Variants in TENM2 observed in about 807,000 individuals in gnomAD.
TENM2 encodes teneurin-2.
In TENM2, 52 loss-of-function variants were observed where a neutral mutation model predicts 245.2. The observed-to-expected ratio is 0.21, with a 90% CI of 0.17 to 0.27. The LOEUF (loss-of-function observed/expected upper bound fraction) is 0.27, where lower values mean the gene tolerates loss of function less well. Among genes scored for constraint, TENM2 ranks in the 10% least tolerant of loss-of-function variants. The pLI is 1.00. For missense variants in TENM2, 3,046 were observed against 3,666.8 expected (o/e 0.83, Z 4.37); for synonymous variants, 1,363 against 1,438.9 (o/e 0.95, Z 1.19).
chr5:167,530,174 A>G (rs1411291250), intron 2 of TENM2, among the ~76,000 whole-genome samples: 2 of 152,150 alleles, frequency 1.3e-5, no homozygotes, highest in Non-Finnish European at 2.9e-5. Flanking sequence ...CAGGATATTC[A>G]TTTTTCTATT....
chr5:167,344,321 T>TAG (rs1336260393), intron 1 of TENM2, among the ~76,000 whole-genome samples: 1 of 142,958 alleles, frequency 7.0e-6, no homozygotes, highest in African/African-American at 2.6e-5. Context: ...TATATATATA[T>TAG]ATATATATAG....
At chr5:167,648,774 C>T (rs1386630342) in intron 2 of TENM2, among the ~76,000 whole-genome samples, 6 of 152,188 alleles carry the variant, frequency 3.9e-5, no homozygotes, top group African/African-American at 7.2e-5. Context: ...TGTTGGGAAT[C>T]AGTTAATTAC....
chr5:167,167,585 A>G, the TENM2 span, among the ~76,000 whole-genome samples: 120 of 152,202 alleles, frequency 7.9e-4, no homozygotes, highest in African/African-American at 2.8e-3. Context: ...AAAAATTCCT[A>G]TCTCTGGGAG....
chr5:167,220,469 C>A, the TENM2 span, among the ~76,000 whole-genome samples: 1 of 152,102 alleles, frequency 6.6e-6, no homozygotes, highest in Non-Finnish European at 1.5e-5. Flanking sequence ...AAGGACATAG[C>A]TCATTTTATT....
At chr5:168,203,917 A>G (rs1762138727) in intron 18 of TENM2, 85 bp downstream of exon 20, 1 of 1,230,724 alleles carries the variant, frequency 8.1e-7, no homozygotes, top group African/African-American at 1.5e-5. Flanking sequence ...AAGTGATCAC[A>G]CCTCCCCTTC....
At chr5:167,428,556 T>C (rs1413243215) in intron 2 of TENM2, among the ~76,000 whole-genome samples, 1 of 152,240 alleles carries the variant, frequency 6.6e-6, no homozygotes, top group Non-Finnish European at 1.5e-5. Flanking sequence ...AGTTTTGAAA[T>C]TGAGAAAAAA....
At chr5:168,032,824 G>A (rs1448794198) in intron 5 of TENM2, among the ~76,000 whole-genome samples, 1 of 152,120 alleles carries the variant, frequency 6.6e-6, no homozygotes, top group Non-Finnish European at 1.5e-5. Flanking sequence ...AAATAATGGT[G>A]GATCTTTAGA....
chr5:167,719,381 G>T (rs1441030790), intron 2 of TENM2, among the ~76,000 whole-genome samples: 1 of 152,210 alleles, frequency 6.6e-6, no homozygotes, highest in Non-Finnish European at 1.5e-5. Flanking sequence ...CAAGAATTGA[G>T]ATTTTAGGAC....
intron 2 of TENM2, among the ~76,000 whole-genome samples, chr5:167,589,473 C>A (rs1211098803): frequency 1.3e-5 from 2 of 151,780 alleles, no homozygotes; most frequent in Non-Finnish European, 2.9e-5. Flanking sequence ...CTGAGTGCCA[C>A]ATTTTGTACC....
At chr5:167,554,430 A>G (rs1416550930) in intron 2 of TENM2, among the ~76,000 whole-genome samples, 1 of 152,164 alleles carries the variant, frequency 6.6e-6, no homozygotes, top group Admixed American at 6.5e-5. Flanking sequence ...CTCACGATAC[A>G]GTGTTCATCA....
chr5:167,815,681 C>T (rs1054601162), intron 2 of TENM2, among the ~76,000 whole-genome samples: 1 of 152,116 alleles, frequency 6.6e-6, no homozygotes, highest in African/African-American at 2.4e-5. Flanking sequence ...ACTGTCCTCC[C>T]TAGCAATAGG....
At chr5:167,893,876 C>T (rs1426836934) in intron 3 of TENM2, among the ~76,000 whole-genome samples, 1 of 152,072 alleles carries the variant, frequency 6.6e-6, no homozygotes, top group African/African-American at 2.4e-5. Flanking sequence ...AATTTAAGAT[C>T]CAAGCAATTA....
chr5:167,296,295 T>C (rs1304450585), intron 1 of TENM2: 2 of 152,218 alleles, frequency 1.3e-5, no homozygotes, highest in African/African-American at 2.4e-5. Flanking sequence ...TTAAAAATAG[T>C]CTGAAGCACT....
At chr5:167,087,947 G>A in the TENM2 span, among the ~76,000 whole-genome samples, 1 of 152,042 alleles carries the variant, frequency 6.6e-6, no homozygotes, top group Non-Finnish European at 1.5e-5. Flanking sequence ...GCGCTACCAT[G>A]CCTGGCTAAT....
At chr5:167,527,802 C>T (rs1771221089) in intron 2 of TENM2, among the ~76,000 whole-genome samples, 1 of 152,056 alleles carries the variant, frequency 6.6e-6, no homozygotes, top group Non-Finnish European at 1.5e-5. Flanking sequence ...GTTTAATCAT[C>T]CAATAGAGTT....
At chr5:167,737,801 T>C (rs558971280) in intron 2 of TENM2, among the ~76,000 whole-genome samples, 1 of 152,350 alleles carries the variant, frequency 6.6e-6, no homozygotes, top group Non-Finnish European at 1.5e-5. Context: ...CTATCAGGGT[T>C]CTTTGTCTCA....
At chr5:167,541,988 C>T (rs1052801381) in intron 2 of TENM2, among the ~76,000 whole-genome samples, 7 of 152,188 alleles carry the variant, frequency 4.6e-5, no homozygotes, top group South Asian at 2.1e-4. Context: ...ATGGTCATGC[C>T]GCCATTTTAG....
the TENM2 span, among the ~76,000 whole-genome samples, chr5:167,064,488 A>G: frequency 6.6e-6 from 1 of 152,206 alleles, no homozygotes; most frequent in Non-Finnish European, 1.5e-5. Context: ...ATCTTTACTT[A>G]AAAATGGAGT....
At chr5:167,618,485 C>T (rs749592302) in intron 2 of TENM2, among the ~76,000 whole-genome samples, 4 of 152,068 alleles carry the variant, frequency 2.6e-5, no homozygotes, top group Non-Finnish European at 4.4e-5. Flanking sequence ...TTGTCTTCAC[C>T]GGACATGTTA....
Sources: allele counts gnomAD v4.1 joint callset (sites outside exome capture counted in the v4.1 genomes callset), GRCh38; gene constraint gnomAD v4.1.1; transcripts MANE v1.5; gene names NCBI Gene and HGNC (gene_info 2026-07-23, HGNC 2026-07-21).